The following GIN1 variants were observed in gnomAD, a reference collection of about 807,000 sequenced individuals.
GIN1 encodes gypsy retrotransposon integrase-like protein 1.
Under a neutral mutation model 51.4 loss-of-function variants are expected in GIN1, and 41 were observed. That is an observed-to-expected ratio of 0.80 (90% CI 0.62 to 1.04). The LOEUF (loss-of-function observed/expected upper bound fraction) is 1.04, where lower values mean the gene tolerates loss of function less well. GIN1 is among the 50% of genes least tolerant of loss of function. The probability of loss-of-function intolerance (pLI) is 0.00; values close to 1 mark genes in which losing one functional copy is unlikely to be tolerated. For synonymous variants in GIN1, 222 were observed against 206.5 expected (o/e 1.07, Z -0.64); for missense variants, 610 against 612.4 (o/e 1.00, Z 0.04).
At chr5:103,111,413 C>T (rs1240712556) in intron 1 of GIN1, among the ~76,000 whole-genome samples, 1 of 152,118 alleles carries the variant, frequency 6.6e-6, no homozygotes, top group Admixed American at 6.5e-5. Context: ...CACAAATCGT[C>T]TAAGCAATCC....
At chr5:103,098,266 C>T (rs1324601667) in intron 4 of GIN1, among the ~76,000 whole-genome samples, 1 of 152,062 alleles carries the variant, frequency 6.6e-6, no homozygotes, top group Non-Finnish European at 1.5e-5. Context: ...TAGTGATTGC[C>T]ATTTATTGAG....
In GIN1 at chr5:103,086,105, AT is replaced by A. The variant is rs1222111714; in HGVS notation, c.*1792del. The A allele has an allele frequency of 6.6e-6, 1 of 152,166 alleles. No homozygotes were observed. Among genetic ancestry groups the A allele is most frequent in the Non-Finnish European group, 1.5e-5 (1 of 68,020 alleles). 9.4% of individuals were successfully genotyped at this position (152,166 alleles called of 1,614,324 possible). On this transcript the variant is annotated 3_prime_UTR_variant, in exon 8 of 8. Transcript: ENST00000399004. ...TGAGGAATGAGGAAAAATGTATTCA[AT>A]GCCTCTCCCCTAACTTCTGGTAGTT...
intron 7 of GIN1, among the ~76,000 whole-genome samples, chr5:103,094,715 T>G (rs782497276): frequency 1.7e-4 from 26 of 152,210 alleles, no homozygotes; most frequent in Non-Finnish European, 5.9e-5. Flanking sequence ...TGTCAAAGAT[T>G]AAGGGGAAAA....
At chr5:103,107,195 G>A (rs1167255925) in intron 2 of GIN1, among the ~76,000 whole-genome samples, 1 of 152,030 alleles carries the variant, frequency 6.6e-6, no homozygotes, top group Non-Finnish European at 1.5e-5. Context: ...ACGGAAATAT[G>A]AAATTATCTC....
intron 1 of GIN1, 55 bp downstream of exon 1, chr5:103,120,009 C>T (rs1214318917): frequency 6.5e-6 from 1 of 154,582 alleles, no homozygotes; most frequent in African/African-American, 2.4e-5. Context: ...TGTCGGGTTA[C>T]GCCTCACTTT....
intron 1 of GIN1, among the ~76,000 whole-genome samples, chr5:103,114,961 T>C (rs1787990594): frequency 1.3e-5 from 2 of 152,110 alleles, no homozygotes; most frequent in South Asian, 4.1e-4. Context: ...AGTTACAGTA[T>C]AGCAGGGCAG....
intron 4 of GIN1, among the ~76,000 whole-genome samples, chr5:103,100,017 C>A (rs1787524485): frequency 6.6e-6 from 1 of 152,124 alleles, no homozygotes; most frequent in East Asian, 1.9e-4. Context: ...GCAAAAAGAA[C>A]AAGTTTTCCC....
At chr5:103,106,978 AGCC>A in intron 2 of GIN1, 69 bp from the exon 3 acceptor site, 1 of 778,048 alleles carries the variant, frequency 1.3e-6, no homozygotes, top group Non-Finnish European at 2.0e-6. Context: ...AGAGAATCAT[AGCC>A]TTCTCTTTAA....
intron 7 of GIN1, among the ~76,000 whole-genome samples, chr5:103,089,299 A>G (rs1339365795): frequency 6.6e-6 from 1 of 152,202 alleles, no homozygotes; most frequent in East Asian, 1.9e-4. Context: ...CCTTTCTGAT[A>G]TTTGAATTCA....
chr5:103,087,213 T>C lies in GIN1; in HGVS notation c.*685A>G, dbSNP rs1554193987. On this transcript the variant is annotated 3_prime_UTR_variant, in exon 8 of 8. Coordinates refer to ENST00000399004, the MANE Select transcript of GIN1 (RefSeq NM_017676.2). ...CTGGTCTCGAACTCCTGGGGTCAAG[T>C]GATCATCCTGCCTTGGCTTCCCAAA... 6.6e-6 allele frequency: 1 copy of C among 152,324 alleles called. No individual in the cohort carries two copies. Among genetic ancestry groups the C allele is most frequent in the African/African-American group, 2.4e-5 (1 of 41,462 alleles). 9.4% of individuals were successfully genotyped at this position (152,324 alleles called of 1,614,324 possible).
At position 103,087,844 on chromosome 5, in the gene GIN1, TATC is replaced by T. The variant is rs2151458624; in HGVS notation, c.*51_*53del. On this transcript the variant is annotated 3_prime_UTR_variant, in exon 8 of 8. Coordinates refer to ENST00000399004, the MANE Select transcript of GIN1 (RefSeq NM_017676.2). Reference sequence around the variant, plus strand: ...TATACAACGTTTTTAATGAATAAGATATCATTAAGAATTTATATTCTAAACAAA... The same window carrying T: ...TATACAACGTTTTTAATGAATAAGATATTAAGAATTTATATTCTAAACAAA... 2.8e-6 allele frequency: 2 copies of T among 715,144 alleles called. No homozygotes were observed. The highest frequency in any genetic ancestry group is 5.5e-5 in the East Asian group (2 of 36,070). The allele number at this position is 715,144 out of a possible 1,614,324, so 44.3% of individuals were successfully genotyped here.
In GIN1 at chr5:103,086,655, A is replaced by G. The variant is rs902651604; in HGVS notation, c.*1243T>C. 6 of 152,194 alleles carry G rather than the reference A, an allele frequency of 3.9e-5. No individual in the cohort carries two copies. Among genetic ancestry groups the G allele is most frequent in the African/African-American group, 1.4e-4 (6 of 41,450 alleles). 9.4% of individuals were successfully genotyped at this position (152,194 alleles called of 1,614,324 possible). A position where few individuals can be genotyped will look rare whatever the true frequency, so the allele number is the denominator to read the frequency against. On this transcript the variant is annotated 3_prime_UTR_variant, in exon 8 of 8. Coordinates refer to ENST00000399004, the MANE Select transcript of GIN1 (RefSeq NM_017676.2). ...CCATAAGGATAAACACAAATTTCCT[A>G]TGTAAAAACAACTTCTCTCTTTTTG... is the stretch of plus-strand genomic sequence containing the variant.
chr5:103,109,293 A>G (rs1421655396), intron 1 of GIN1, among the ~76,000 whole-genome samples: 2 of 152,094 alleles, frequency 1.3e-5, no homozygotes, highest in Non-Finnish European at 2.9e-5. Context: ...AAATCCCACC[A>G]GAATGTCTTC....
chr5:103,103,580 C>T (rs551536129), intron 4 of GIN1, among the ~76,000 whole-genome samples: 3 of 152,302 alleles, frequency 2.0e-5, no homozygotes, highest in Admixed American at 1.3e-4. Context: ...AAAGTTTTAA[C>T]ATATGCCTTA....
Position 103,086,017 on chromosome 5 carries a change from T to C in GIN1, c.*1881A>G, listed in dbSNP as rs1315870127. The C allele has an allele frequency of 1.3e-5, 2 of 152,144 alleles. No individual in the cohort carries two copies. Among genetic ancestry groups the C allele is most frequent in the African/African-American group, 4.8e-5 (2 of 41,418 alleles). 9.4% of individuals were successfully genotyped at this position (152,144 alleles called of 1,614,324 possible). ...AAACTGGATGGCTGAAACAATAGAA[T>C]TTTATTGTCTCACAGTTCTGGAGGC... On this transcript the variant is annotated 3_prime_UTR_variant, in exon 8 of 8. Transcript: ENST00000399004.
rs141370886 is a variant in GIN1 at position 103,100,605 on chromosome 5, C to T, written c.640-2824G>A. 1.3e-4 allele frequency among the ~76,000 whole-genome samples: 20 copies of T among 151,068 alleles called. No individual in the cohort carries two copies. In the East Asian group the frequency reaches 2.9e-3, roughly 22 times the overall value. ...GTAGAGACGGAGTCTTGTTGTATTG[C>T]ATGGGCTGGTCTTGAACTCCTGGTC... On this transcript the variant is annotated intron_variant, in intron 4 of 7. Transcript: ENST00000399004.
chr5:103,112,303 T>C (rs544671573), intron 1 of GIN1, among the ~76,000 whole-genome samples: 1 of 141,606 alleles, frequency 7.1e-6, no homozygotes, highest in African/African-American at 2.5e-5. Context: ...TATGGGTGAG[T>C]TGTCTTGGCT....
chr5:103,100,285 A>C (rs941695429), intron 4 of GIN1, among the ~76,000 whole-genome samples: 13 of 151,800 alleles, frequency 8.6e-5, no homozygotes, highest in Non-Finnish European at 1.5e-4. Context: ...TTTTTTGTAG[A>C]GATGGCATTT....
Position 103,088,051 on chromosome 5 carries a change from G to C in GIN1, c.1416C>G (p.Val472=), listed in dbSNP as rs781814526. The change falls in exon 8 of 8, where the codon GTC becomes GTG. Residue 472 remains valine (V), a synonymous_variant. Coordinates refer to ENST00000399004, the MANE Select transcript of GIN1 (RefSeq NM_017676.2). ...TGCTTGATGTCAGTAATTCATTATC[G>C]ACTATACCAATAGTTGCATCTTCCA... ...ILVEDATIGI[V]DNELLTSSKD... The C allele has an allele frequency of 4.5e-5, 72 of 1,609,662 alleles. No individual in the cohort carries two copies. The highest frequency in any genetic ancestry group is 1.6e-4 in the Middle Eastern group (1 of 6,076).
Sources: gnomAD v4.1 joint callset for allele counts (sites outside exome capture counted in the v4.1 genomes callset) on GRCh38, gnomAD v4.1.1 for gene constraint, MANE v1.5 for transcripts, NCBI Gene and HGNC (gene_info 2026-07-23, HGNC 2026-07-21) for gene names.